SHC2: variants seen among roughly 807,000 people sequenced by gnomAD.
SHC2 encodes the protein SHC-transforming protein 2.
A neutral mutation model predicts 60.6 loss-of-function variants in SHC2; 62 were observed. That is an observed-to-expected ratio of 1.02 (90% CI 0.83 to 1.26). The LOEUF (loss-of-function observed/expected upper bound fraction) is 1.26, where lower values mean the gene tolerates loss of function less well. Ranked by LOEUF, SHC2 falls within the 50% of genes most tolerant of loss-of-function variation. SHC2 has a pLI of 0.00. For synonymous variants in SHC2, 375 were observed against 372.4 expected (o/e 1.01, Z -0.08); for missense variants, 873 against 822.2 (o/e 1.06, Z -0.76).
At position 440,729 on chromosome 19, in the gene SHC2, G is replaced by T; in HGVS notation, c.539+133C>A. 1 of 744,228 alleles carries T rather than the reference G, an allele frequency of 1.3e-6. No homozygotes were observed. Among genetic ancestry groups the T allele is most frequent in the Non-Finnish European group, 2.3e-6 (1 of 427,798 alleles). The allele number at this position is 744,228 out of a possible 1,614,324, so 46.1% of individuals were successfully genotyped here. ...AGACGTGGCGTGAAGTGGGAGGGAGGTGGGGGGCACCGAGGCTGCGTCCTG... is the reference window on the plus strand; with the variant it reads ...AGACGTGGCGTGAAGTGGGAGGGAGTTGGGGGGCACCGAGGCTGCGTCCTG... On this transcript the variant is annotated intron_variant, in intron 2 of 12. Transcript: ENST00000264554. The surrounding 1 kb of genome is among the most constrained non-coding windows in gnomAD (Gnocchi z 7.0).
chr19:436,661 G>A lies in SHC2; in HGVS notation c.743C>T (p.Pro248Leu), dbSNP rs576193412. The A allele has an allele frequency of 2.1e-5, 33 of 1,607,136 alleles. No individual in the cohort carries two copies. The highest frequency in any genetic ancestry group is 2.0e-4 in the South Asian group (18 of 90,564). Residue 248 changes from proline (P) to leucine (L), a missense_variant, in exon 5 of 13, where the codon CCG becomes CTG. Pro to Leu is a moderately conservative substitution (Grantham distance 98). Transcript: ENST00000264554. ...TRQVIANHHM[P>L]SISFASGGDT... ...TCCGCCTGACGCGAAGGAGATGGACGGCATGTGGTGGTTGGCGATGACCTG... is the reference window on the plus strand; with the variant it reads ...TCCGCCTGACGCGAAGGAGATGGACAGCATGTGGTGGTTGGCGATGACCTG...
At position 422,363 on chromosome 19, in the gene SHC2, G is replaced by A. The variant is rs1974298733; in HGVS notation, c.1403C>T (p.Pro468Leu). The A allele has an allele frequency of 1.9e-6, 3 of 1,604,866 alleles. No individual in the cohort carries two copies. Among genetic ancestry groups the A allele is most frequent in the Admixed American group, 1.7e-5 (1 of 59,064 alleles). The change falls in exon 11 of 13, where the codon CCC (proline) becomes CTC (leucine). Residue 468 changes from proline (P) to leucine (L), a missense_variant. Coordinates refer to ENST00000264554, the MANE Select transcript of SHC2 (RefSeq NM_012435.3). The surrounding 1 kb of genome is among the most constrained non-coding windows in gnomAD (Gnocchi z 5.0). ...PLPLEDQWPS[P>L]PTRRAPVAPT... ...GGCCACAGGGGCCCGGCGGGTAGGG[G>A]GGCTGGGCCACTGGTCCTCCAAGGG...
intron 11 of SHC2, among the ~76,000 whole-genome samples, chr19:421,094 G>GAGAGAAAAGAGTAAGAAAGAA (rs1974258201): frequency 1.4e-5 from 2 of 141,624 alleles, no homozygotes; most frequent in African/African-American, 5.2e-5. Flanking sequence ...AAAAGAGAGA[G>GAGAGAAAAGAGTAAGAAAGAA]AGAGAAAAGA....
At position 446,024 on chromosome 19, in the gene SHC2, G is replaced by A. The variant is rs975398238; in HGVS notation, c.469-5092C>T. Among the ~76,000 whole-genome samples, 11 of 151,710 alleles carry A rather than the reference G, an allele frequency of 7.3e-5. No homozygotes were observed. The highest frequency in any genetic ancestry group is 2.1e-4 in the South Asian group (1 of 4,774). On this transcript the variant is annotated intron_variant, in intron 1 of 12. Transcript: ENST00000264554. The surrounding 1 kb of genome is among the most constrained non-coding windows in gnomAD (Gnocchi z 5.4). The stretch of plus-strand genomic sequence containing the variant: ...GAGCCAAGATCACGCCACTGCACTC[G>A]AGCCTGGGTGACAGAGGGAGAGTCT...
chr19:426,947 A>T (rs950371891), intron 9 of SHC2, among the ~76,000 whole-genome samples: 1 of 152,108 alleles, frequency 6.6e-6, no homozygotes, highest in Middle Eastern at 3.4e-3. Context: ...CATTTGTAGG[A>T]GTTCTTGGCC....
chr19:431,121 A>C (rs1250101976), intron 8 of SHC2, among the ~76,000 whole-genome samples: 1 of 152,210 alleles, frequency 6.6e-6, no homozygotes, highest in African/African-American at 2.4e-5. Flanking sequence ...TACAGAGTGT[A>C]TGTCCCCATG....
chr19:423,122 G>A (rs1284522718), intron 10 of SHC2, among the ~76,000 whole-genome samples: 2 of 151,320 alleles, frequency 1.3e-5, no homozygotes, highest in Admixed American at 6.6e-5. Flanking sequence ...GGTCCTGGGG[G>A]GTCCTCCCGC....
At position 440,653 on chromosome 19, in the gene SHC2, A is replaced by T. The variant is rs1255771020; in HGVS notation, c.539+209T>A. On this transcript the variant is annotated intron_variant, in intron 2 of 12. Transcript: ENST00000264554. This position sits in a 1 kb window ranked among gnomAD's most constrained non-coding sequence, Gnocchi z 7.0. The stretch of plus-strand genomic sequence containing the variant: ...CGGCGTGTTCTTTCCATCTTAGAGG[A>T]TCGAGGTCTGCAGGGCACGGTGACC... Among the ~76,000 whole-genome samples, 2 of 152,166 alleles carry T rather than the reference A, an allele frequency of 1.3e-5. No individual in the cohort carries two copies. Among genetic ancestry groups the T allele is most frequent in the Non-Finnish European group, 2.9e-5 (2 of 68,022 alleles).
chr19:448,754 C>T (rs993028276), intron 1 of SHC2, among the ~76,000 whole-genome samples: 1 of 152,170 alleles, frequency 6.6e-6, no homozygotes, highest in Non-Finnish European at 1.5e-5. Context: ...AAACACCAGG[C>T]AGACACAAAC....
In SHC2 at chr19:438,907, G is replaced by A. The variant is rs113202357; in HGVS notation, c.600+63C>T. The A allele has an allele frequency of 9.0e-3, 13,929 of 1,552,646 alleles. 82 individuals carry two copies. Among genetic ancestry groups the A allele is most frequent in the Non-Finnish European group, 0.01 (11,560 of 1,146,396 alleles). On this transcript the variant is annotated intron_variant, in intron 3 of 12. Coordinates refer to ENST00000264554, the MANE Select transcript of SHC2 (RefSeq NM_012435.3). The surrounding 1 kb of genome is among the most constrained non-coding windows in gnomAD (Gnocchi z 5.0). ...CTGTCGAGGGGCTCCCAGGATGGCC[G>A]CAGCGTCCCCACAGCCCCCGACTGC...
At position 425,911 on chromosome 19, in the gene SHC2, C is replaced by T. The variant is rs1279068274; in HGVS notation, c.1175-680G>A. On this transcript the variant is annotated intron_variant, in intron 9 of 12. Transcript: ENST00000264554. The surrounding 1 kb of genome is among the most constrained non-coding windows in gnomAD (Gnocchi z 4.1). ...AGGCGTGGTGGTGGGCGCCTGCAATCCCAGCTATTTGGGAGGCTGAGGCAT... is the reference window on the plus strand; with the variant it reads ...AGGCGTGGTGGTGGGCGCCTGCAATTCCAGCTATTTGGGAGGCTGAGGCAT... Among the ~76,000 whole-genome samples, 1 of 151,980 alleles carries T rather than the reference C, an allele frequency of 6.6e-6. No individual in the cohort carries two copies. The highest frequency in any genetic ancestry group is 6.6e-5 in the Admixed American group (1 of 15,266).
chr19:458,412 G>A lies in SHC2; in HGVS notation c.468+2117C>T, dbSNP rs192469661. 2.6e-3 allele frequency among the ~76,000 whole-genome samples: 340 copies of A among 132,960 alleles called. 6 individuals carry two copies. Among genetic ancestry groups the A allele is most frequent in the African/African-American group, 9.2e-3 (323 of 35,250 alleles). The allele number at this position is 132,960 out of a possible 152,430, so 87.2% of individuals were successfully genotyped here. On this transcript the variant is annotated intron_variant, in intron 1 of 12. Coordinates refer to ENST00000264554, the MANE Select transcript of SHC2 (RefSeq NM_012435.3). The stretch of plus-strand genomic sequence containing the variant: ...AATCGGGTTCCGGGGAGGCGGAAGC[G>A]GGTCCTGGGGAGGCAGAAGCGGGTC...
Position 438,914 on chromosome 19 carries a change from C to T in SHC2, c.600+56G>A. 1 of 1,554,456 alleles carries T rather than the reference C, an allele frequency of 6.4e-7. No homozygotes were observed. The highest frequency in any genetic ancestry group is 8.7e-7 in the Non-Finnish European group (1 of 1,147,026). ...GGGGCTCCCAGGATGGCCGCAGCGT[C>T]CCCACAGCCCCCGACTGCCCCACCA... is the stretch of plus-strand genomic sequence containing the variant. On this transcript the variant is annotated intron_variant, in intron 3 of 12. Coordinates refer to ENST00000264554, the MANE Select transcript of SHC2 (RefSeq NM_012435.3). This position sits in a 1 kb window ranked among gnomAD's most constrained non-coding sequence, Gnocchi z 5.0.
intron 10 of SHC2, among the ~76,000 whole-genome samples, chr19:423,903 G>A (rs539608046): frequency 1.6e-4 from 24 of 152,330 alleles, no homozygotes; most frequent in African/African-American, 5.5e-4. Context: ...GGGAAGCTCA[G>A]AGCCCCAAGC....
At position 422,582 on chromosome 19, in the gene SHC2, G is replaced by A. The variant is rs1174761869; in HGVS notation, c.1310-126C>T. Reference sequence around the variant, plus strand: ...GCACCCGTCGGCCTGCGCTGACCGAGCGCCCACAGCGTATCAGACTCGCAC... The same window carrying A: ...GCACCCGTCGGCCTGCGCTGACCGAACGCCCACAGCGTATCAGACTCGCAC... On this transcript the variant is annotated intron_variant, in intron 10 of 12. Transcript: ENST00000264554. This position sits in a 1 kb window ranked among gnomAD's most constrained non-coding sequence, Gnocchi z 5.0. 2.6e-6 allele frequency: 2 copies of A among 759,974 alleles called. No homozygotes were observed. The highest frequency in any genetic ancestry group is 2.1e-6 in the Non-Finnish European group (1 of 480,438). The allele number at this position is 759,974 out of a possible 1,614,324, so 47.1% of individuals were successfully genotyped here.
intron 11 of SHC2, chr19:419,388 A>G (rs1272763082): frequency 7.8e-6 from 2 of 257,034 alleles, no homozygotes; most frequent in Non-Finnish European, 1.5e-5. Context: ...AAACAGGTCA[A>G]GGGTCCTGGG....
chr19:426,839 G>T (rs1382499045), intron 9 of SHC2, among the ~76,000 whole-genome samples: 1 of 147,848 alleles, frequency 6.8e-6, no homozygotes, highest in Non-Finnish European at 1.5e-5. Context: ...GGGGAGGGAG[G>T]ACGACAGTGC....
At chr19:449,848 G>T (rs1975136523) in intron 1 of SHC2, among the ~76,000 whole-genome samples, 1 of 152,204 alleles carries the variant, frequency 6.6e-6, no homozygotes, top group South Asian at 2.1e-4. Flanking sequence ...TGACACATGG[G>T]AACTCTTTGT....
intron 1 of SHC2, among the ~76,000 whole-genome samples, chr19:457,315 C>A (rs532819949): frequency 0.022 from 2,186 of 97,702 alleles, 120 homozygotes; most frequent in African/African-American, 0.12. Context: ...GCTGTACCCC[C>A]CCTAGATCTC....
Sources: allele counts gnomAD v4.1 joint callset (sites outside exome capture counted in the v4.1 genomes callset), GRCh38; gene constraint gnomAD v4.1.1; non-coding constraint Gnocchi (gnomAD v3.1); transcripts MANE v1.5; gene names NCBI Gene and HGNC (gene_info 2026-07-23, HGNC 2026-07-21).